Variants in TSC1 observed in about 807,000 individuals in gnomAD.
The protein encoded by TSC1 is hamartin.
In TSC1, 20 loss-of-function variants were observed where a neutral mutation model predicts 124.3. The ratio of observed to expected loss-of-function variants is 0.16; its 90% CI spans 0.11 to 0.23. The LOEUF is 0.23. Ranked by LOEUF, TSC1 falls within the 10% of genes least tolerant of loss-of-function variation. The pLI, the probability that TSC1 is intolerant of heterozygous loss-of-function variation, is 1.00. For synonymous variants in TSC1, 493 were observed against 539.1 expected, an observed-to-expected ratio of 0.91 and a Z score of 1.19; for missense variants, 1,124 against 1,448.5, an observed-to-expected ratio of 0.78 and a Z score of 3.64.
intron 19 of TSC1, among the ~76,000 whole-genome samples, 186 bp downstream of exon 19, chr9:132,901,403 A>G (rs2131698533): frequency 6.6e-6 from 1 of 152,352 alleles, no homozygotes; most frequent in East Asian, 1.9e-4. Context: ...CAGCAGCACC[A>G]AAAACATGAA....
intron 20 of TSC1, among the ~76,000 whole-genome samples, chr9:132,898,541 G>C (rs1196108601): frequency 6.6e-6 from 1 of 152,218 alleles, no homozygotes; most frequent in Non-Finnish European, 1.5e-5. Context: ...GCAACTGATT[G>C]AAACTCAGAA....
chr9:132,921,699 G>A lies in TSC1; in HGVS notation c.663+120C>T, dbSNP rs1262348969. 8.8e-6 allele frequency: 12 copies of A among 1,366,232 alleles called. No homozygotes were observed. The highest frequency in any genetic ancestry group is 2.3e-5 in the East Asian group (1 of 43,418). The allele number at this position is 1,366,232 out of a possible 1,614,324, so 84.6% of individuals were successfully genotyped here. A position where few individuals can be genotyped will look rare whatever the true frequency, so the allele number is the denominator to read the frequency against. On this transcript the variant is annotated intron_variant, in intron 7 of 22. Transcript: ENST00000298552. This position sits in a 1 kb window ranked among gnomAD's most constrained non-coding sequence, Gnocchi z 4.3. ...GTGGCTGCCTAGGGATTGGAGTGGC[G>A]AGGAAGAAAACTGAATTTCTTTTCA...
chr9:132,938,458 A>C (rs1000869218), intron 1 of TSC1, among the ~76,000 whole-genome samples: 3 of 152,244 alleles, frequency 2.0e-5, no homozygotes, highest in Admixed American at 6.5e-5. Context: ...TTCTATAAGC[A>C]ATCTTTCTGA....
chr9:132,939,791 A>G (rs1184744209), intron 1 of TSC1, among the ~76,000 whole-genome samples: 1 of 152,180 alleles, frequency 6.6e-6, no homozygotes, highest in African/African-American at 2.4e-5. Context: ...ATAGTTTGAT[A>G]GTCTAGGGCA....
chr9:132,940,326 C>T (rs556709545), intron 1 of TSC1, among the ~76,000 whole-genome samples: 1 of 152,126 alleles, frequency 6.6e-6, no homozygotes, highest in Non-Finnish European at 1.5e-5. Context: ...TTTCAAGCTG[C>T]GTCCATAAAT....
At position 132,906,461 on chromosome 9, in the gene TSC1, A is replaced by C. The variant is rs143422206; in HGVS notation, c.1438+270T>G. On this transcript the variant is annotated intron_variant, in intron 14 of 22. Transcript: ENST00000298552. The surrounding 1 kb of genome is among the most constrained non-coding windows in gnomAD (Gnocchi z 4.1). ...CTACTCAGGAGGCTGAGGTGGGCGG[A>C]TTGCTTGAGCCTGGGAGGTCAAGGC... is the stretch of plus-strand genomic sequence containing the variant. 5 of 514,218 alleles carry C rather than the reference A, an allele frequency of 9.7e-6. No homozygotes were observed. 31.9% of individuals were successfully genotyped at this position (514,218 alleles called of 1,614,324 possible). A position where few individuals can be genotyped will look rare whatever the true frequency, so the allele number is the denominator to read the frequency against.
Position 132,906,544 on chromosome 9 carries a change from G to A in TSC1, c.1438+187C>T, listed in dbSNP as rs1845680911. The A allele has an allele frequency of 5.5e-6, 3 of 542,408 alleles. No homozygotes were observed. Among genetic ancestry groups the A allele is most frequent in the Non-Finnish European group, 9.6e-6 (3 of 311,274 alleles). The allele number at this position is 542,408 out of a possible 1,614,324, so 33.6% of individuals were successfully genotyped here. ...AGCCAGGGTGACAGAGCAAGACCCT[G>A]TCTCAAAAAAAAAAAAAAAAAAAGT... On this transcript the variant is annotated intron_variant, in intron 14 of 22. Coordinates refer to ENST00000298552, the MANE Select transcript of TSC1 (RefSeq NM_000368.5). This position sits in a 1 kb window ranked among gnomAD's most constrained non-coding sequence, Gnocchi z 4.1.
At chr9:132,938,625 A>G (rs1847584299) in intron 1 of TSC1, among the ~76,000 whole-genome samples, 1 of 152,186 alleles carries the variant, frequency 6.6e-6, no homozygotes. Flanking sequence ...CTAGGATTAC[A>G]CATGAACTCT....
rs756449737 is a variant in TSC1, at chr9:132,896,317, G to T, written c.3413C>A (p.Pro1138His). 1 of 1,614,190 alleles carries T rather than the reference G, an allele frequency of 6.2e-7. No individual in the cohort carries two copies. Among genetic ancestry groups the T allele is most frequent in the Admixed American group, 1.7e-5 (1 of 60,026 alleles). Residue 1138 changes from proline to histidine, a missense_variant, in exon 23 of 23, where the codon CCT (proline) becomes CAT (histidine). By Grantham distance (77) the Pro-to-His change is moderately conservative. This residue lies in a region of TSC1 where 325 missense variants were observed against 383.4 expected (regional missense o/e 0.85). Coordinates refer to ENST00000298552, the MANE Select transcript of TSC1 (RefSeq NM_000368.5). The surrounding 1 kb of genome is among the most constrained non-coding windows in gnomAD (Gnocchi z 4.5). The part of the protein sequence containing the change: ...EAKIPLNLDG[P>H]HPSPPTPDSV... ...GTCCGGGGTCGGGGGAGACGGGTGA[G>T]GGCCATCTAGGTTCAGGGGAATCTT... is the stretch of plus-strand genomic sequence containing the variant.
chr9:132,900,920 G>A (rs2131692231), intron 19 of TSC1, 83 bp from the exon 20 acceptor site: 1 of 1,597,196 alleles, frequency 6.3e-7, no homozygotes, highest in South Asian at 1.1e-5. Flanking sequence ...AATCAGCTAG[G>A]AGCACACTAT....
intron 1 of TSC1, chr9:132,943,440 G>A (rs534809665): frequency 6.6e-6 from 1 of 152,212 alleles, no homozygotes; most frequent in East Asian, 1.9e-4. Context: ...CATAAACCTT[G>A]GCTAAATGAT....
At chr9:132,910,418 G>A (rs1280541964) in intron 12 of TSC1, 153 bp downstream of exon 12, 7 of 1,424,724 alleles carry the variant, frequency 4.9e-6, no homozygotes, top group Non-Finnish European at 6.8e-6. Context: ...CACACCTTGA[G>A]AGCAGCTTGT....
At chr9:132,927,352 C>G (rs762462263) in intron 3 of TSC1, 48 bp from the exon 4 acceptor site, 2 of 1,546,796 alleles carry the variant, frequency 1.3e-6, no homozygotes, top group South Asian at 2.3e-5. Flanking sequence ...CCTTAACATC[C>G]TAAATTTACC....
rs1844966105 is a variant in TSC1, at chr9:132,895,142, G to C, written c.*1093C>G. 1 of 233,248 alleles carries C rather than the reference G, an allele frequency of 4.3e-6. No homozygotes were observed. The highest frequency in any genetic ancestry group is 8.5e-6 in the Non-Finnish European group (1 of 117,794). The allele number at this position is 233,248 out of a possible 1,614,324, so 14.4% of individuals were successfully genotyped here. On this transcript the variant is annotated 3_prime_UTR_variant, in exon 23 of 23. Coordinates refer to ENST00000298552, the MANE Select transcript of TSC1 (RefSeq NM_000368.5). Reference sequence around the variant, plus strand: ...TGAAAGTTGGAATTGGTATGAAAAAGCTGCCCCTCTTCTGGTAGCCTAGAA... The same window carrying C: ...TGAAAGTTGGAATTGGTATGAAAAACCTGCCCCTCTTCTGGTAGCCTAGAA...
Position 132,920,858 on chromosome 9 carries a change from C to G in TSC1, c.737+505G>C, listed in dbSNP as rs567972445. ...CCTGGAATCCTTCAATCAAGGGACT[C>G]AAAGGTTCGGTTTTTCCAGAGAACA... On this transcript the variant is annotated intron_variant, in intron 8 of 22. Transcript: ENST00000298552. 1.2e-3 allele frequency among the ~76,000 whole-genome samples: 176 copies of G among 152,042 alleles called. 1 individual carries two copies. The highest frequency in any genetic ancestry group is 4.1e-3 in the African/African-American group (170 of 41,504).
chr9:132,913,243 T>C (rs1007945803), intron 8 of TSC1, among the ~76,000 whole-genome samples: 1 of 152,134 alleles, frequency 6.6e-6, no homozygotes, highest in Non-Finnish European at 1.5e-5. Context: ...GCTGAAGGCA[T>C]GATTTTTTAA....
At chr9:132,930,003 G>C (rs546986342) in intron 2 of TSC1, among the ~76,000 whole-genome samples, 1 of 152,272 alleles carries the variant, frequency 6.6e-6, no homozygotes, top group African/African-American at 2.4e-5. Context: ...GATGTGGTGT[G>C]AGCAGGTATC....
In TSC1 at chr9:132,921,296, T is replaced by C. The variant is rs1028012288; in HGVS notation, c.737+67A>G. 1 of 1,526,388 alleles carries C rather than the reference T, an allele frequency of 6.6e-7. No individual in the cohort carries two copies. The highest frequency in any genetic ancestry group is 9.1e-7 in the Non-Finnish European group (1 of 1,103,040). 94.6% of individuals were successfully genotyped at this position (1,526,388 alleles called of 1,614,324 possible). On this transcript the variant is annotated intron_variant, in intron 8 of 22. Coordinates refer to ENST00000298552, the MANE Select transcript of TSC1 (RefSeq NM_000368.5). This position sits in a 1 kb window ranked among gnomAD's most constrained non-coding sequence, Gnocchi z 4.3. Reference sequence around the variant, plus strand: ...ATTCCCAAATATACCTCAACAGGGATTACCTCCTAGATCACATTTTCAATC... The same window carrying C: ...ATTCCCAAATATACCTCAACAGGGACTACCTCCTAGATCACATTTTCAATC...
At chr9:132,922,052 T>C in intron 6 of TSC1, 79 bp from the exon 7 acceptor site, 1 of 1,574,214 alleles carries the variant, frequency 6.4e-7, no homozygotes, top group Non-Finnish European at 8.7e-7. Flanking sequence ...AACAAGTGGC[T>C]GCCAGCAGGA....
Sources: gnomAD v4.1 joint callset for allele counts (sites outside exome capture counted in the v4.1 genomes callset) on GRCh38, gnomAD v4.1.1 for gene constraint, gnomAD v4.1.1 regional missense constraint, Gnocchi (gnomAD v3.1) non-coding constraint, MANE v1.5 for transcripts, NCBI Gene and HGNC (gene_info 2026-07-23, HGNC 2026-07-21) for gene names.